The following UVRAG variants were observed in gnomAD, a reference collection of about 807,000 sequenced individuals.
UVRAG encodes the protein UV radiation resistance associated, also known as UV radiation resistance-associated gene protein.
Under a neutral mutation model 78.0 loss-of-function variants are expected in UVRAG, and 19 were observed. That is an observed-to-expected ratio of 0.24 (90% confidence interval 0.17 to 0.36). The LOEUF (loss-of-function observed/expected upper bound fraction) is 0.36. UVRAG is among the 10% of genes least tolerant of loss of function. The pLI is 1.00. For synonymous variants in UVRAG, 323 were observed against 324.6 expected (o/e 1.00, Z 0.05); for missense variants, 740 against 853.8 (o/e 0.87, Z 1.66).
intron 5 of UVRAG, among the ~76,000 whole-genome samples, chr11:75,891,200 C>A (rs903358448): frequency 1.3e-5 from 2 of 152,090 alleles, no homozygotes; most frequent in Non-Finnish European, 2.9e-5. Context: ...TCCTTTCTAG[C>A]CTGTAAGCTT....
At chr11:75,909,482 TA>T (rs996039822) in intron 5 of UVRAG, among the ~76,000 whole-genome samples, 127 of 145,154 alleles carry the variant, frequency 8.7e-4, no homozygotes, top group Non-Finnish European at 6.7e-4. Flanking sequence ...AGAACTTGTT[TA>T]AAAAAAAAAA....
intron 13 of UVRAG, among the ~76,000 whole-genome samples, chr11:76,074,221 G>A (rs1004142676): frequency 6.6e-6 from 1 of 152,166 alleles, no homozygotes; most frequent in Non-Finnish European, 1.5e-5. Context: ...AGAGTATAAA[G>A]GGATCTTGAG....
At chr11:75,997,556 A>G (rs1251501826) in intron 8 of UVRAG, among the ~76,000 whole-genome samples, 2 of 152,200 alleles carry the variant, frequency 1.3e-5, no homozygotes, top group Non-Finnish European at 2.9e-5. Flanking sequence ...CCTCTCTCCC[A>G]ATGACCTATT....
chr11:75,980,092 C>CT (rs1008933899), intron 7 of UVRAG: 15 of 150,122 alleles, frequency 1.0e-4, no homozygotes, highest in East Asian at 1.9e-4. Context: ...CCAACTAGAC[C>CT]TTTTTTTTTT....
At chr11:75,878,353 C>CAG (rs1946855717) in intron 3 of UVRAG, 1 of 175,438 alleles carries the variant, frequency 5.7e-6, no homozygotes, top group African/African-American at 2.4e-5. Flanking sequence ...GGCGGCCGGG[C>CAG]AGAGACGCTC....
chr11:76,131,355 C>A (rs1335102657), intron 14 of UVRAG, among the ~76,000 whole-genome samples: 1 of 152,164 alleles, frequency 6.6e-6, no homozygotes, highest in Non-Finnish European at 1.5e-5. Context: ...GCAATAGGCA[C>A]CCCCTCATCC....
intron 13 of UVRAG, among the ~76,000 whole-genome samples, chr11:76,087,088 T>C (rs563808111): frequency 2.6e-5 from 4 of 152,366 alleles, no homozygotes; most frequent in African/African-American, 9.6e-5. Flanking sequence ...GGAGATTTGC[T>C]GCCTATGCAG....
intron 13 of UVRAG, among the ~76,000 whole-genome samples, chr11:76,088,684 C>T (rs995767433): frequency 8.5e-5 from 13 of 152,056 alleles, no homozygotes; most frequent in Non-Finnish European, 1.3e-4. Flanking sequence ...TTTTATATTC[C>T]CTTTGCCTGA....
At chr11:75,821,915 A>G (rs910083541) in intron 1 of UVRAG, among the ~76,000 whole-genome samples, 1 of 148,956 alleles carries the variant, frequency 6.7e-6, no homozygotes, top group African/African-American at 2.5e-5. Context: ...TATATTACGT[A>G]CATATTATTA....
intron 6 of UVRAG, among the ~76,000 whole-genome samples, chr11:75,929,950 T>C (rs1207015012): frequency 6.6e-6 from 1 of 152,222 alleles, no homozygotes; most frequent in African/African-American, 2.4e-5. Context: ...ACTTCGTTCC[T>C]GTACCCATAT....
chr11:75,825,822 G>A (rs1385690747), intron 1 of UVRAG, among the ~76,000 whole-genome samples: 1 of 151,860 alleles, frequency 6.6e-6, no homozygotes. Context: ...TCTTGGCTGG[G>A]TGTGTTGAGA....
chr11:75,930,522 A>G (rs1396876196), intron 6 of UVRAG, among the ~76,000 whole-genome samples: 2 of 152,248 alleles, frequency 1.3e-5, no homozygotes, highest in Admixed American at 6.5e-5. Flanking sequence ...AACTGTTTTT[A>G]TATAGAGCAG....
chr11:75,966,509 A>T lies in UVRAG; in HGVS notation c.699+4960A>T, dbSNP rs569002290. Reference sequence around the variant, plus strand: ...GCTGATATTTCATATCCTTTTATTCACTATAAGAATATTTCAATTTTTGTC... The same window carrying T: ...GCTGATATTTCATATCCTTTTATTCTCTATAAGAATATTTCAATTTTTGTC... On this transcript the variant is annotated intron_variant, in intron 7 of 14. Transcript: ENST00000356136. 1.8e-4 allele frequency among the ~76,000 whole-genome samples: 28 copies of T among 152,160 alleles called. No individual in the cohort carries two copies. The South Asian group carries it at 5.0e-3, about 27-fold the overall frequency.
chr11:76,040,340 G>C (rs1014507324), intron 12 of UVRAG, among the ~76,000 whole-genome samples: 3 of 151,786 alleles, frequency 2.0e-5, no homozygotes, highest in Non-Finnish European at 4.4e-5. Context: ...GGGCATGGTG[G>C]CGGGCGCCTG....
At chr11:75,832,517 C>T (rs926553554) in intron 1 of UVRAG, among the ~76,000 whole-genome samples, 5 of 152,180 alleles carry the variant, frequency 3.3e-5, no homozygotes, top group Non-Finnish European at 5.9e-5. Context: ...GGGGAAGGGA[C>T]GTGGAGCTTC....
intron 1 of UVRAG, chr11:75,837,607 G>C (rs1025681196): frequency 1.3e-5 from 2 of 152,000 alleles, no homozygotes; most frequent in Non-Finnish European, 2.9e-5. Context: ...AACTGGTTCT[G>C]ATCAACTAGT....
chr11:75,907,053 G>A (rs553263088), intron 5 of UVRAG, among the ~76,000 whole-genome samples: 15 of 152,274 alleles, frequency 9.9e-5, no homozygotes, highest in African/African-American at 3.1e-4. Flanking sequence ...TGTAAACAAG[G>A]CTGCTGGAAT....
intron 1 of UVRAG, among the ~76,000 whole-genome samples, chr11:75,850,075 AG>A (rs1255236868): frequency 1.5e-5 from 2 of 132,108 alleles, no homozygotes; most frequent in African/African-American, 8.7e-5. Flanking sequence ...GATTGGTTGC[AG>A]AAAGCAGCCA....
intron 8 of UVRAG, among the ~76,000 whole-genome samples, chr11:75,987,624 A>G (rs1049378793): frequency 6.6e-6 from 1 of 152,136 alleles, no homozygotes; most frequent in African/African-American, 2.4e-5. Context: ...AAAGCCTTTA[A>G]TATTTCATAG....
Sources: gnomAD v4.1 joint callset for allele counts (sites outside exome capture counted in the v4.1 genomes callset) on GRCh38, gnomAD v4.1.1 for gene constraint, MANE v1.5 for transcripts, NCBI Gene and HGNC (gene_info 2026-07-23, HGNC 2026-07-21) for gene names.